Variants in PALD1 observed in about 807,000 individuals in gnomAD.
The protein encoded by PALD1 is phosphatase domain containing paladin 1.
In PALD1, 57 loss-of-function variants were observed where a neutral mutation model predicts 96.0. The ratio of observed to expected loss-of-function variants is 0.59; its 90% CI spans 0.48 to 0.74. The LOEUF is 0.74. Ranked by LOEUF, PALD1 falls within the 30% of genes least tolerant of loss-of-function variation. The pLI is 0.00. For missense variants in PALD1, 1,063 were observed against 1,143.7 expected (o/e 0.93, Z 1.02); for synonymous variants, 464 against 473.6 (o/e 0.98, Z 0.26).
At chr10:70,552,204 G>T (rs749731851) in intron 18 of PALD1, among the ~76,000 whole-genome samples, 1 of 152,220 alleles carries the variant, frequency 6.6e-6, no homozygotes, top group Non-Finnish European at 1.5e-5. Flanking sequence ...CGGCTTCTGG[G>T]CATTTTGTCG....
At chr10:70,465,297 T>C in the PALD1 span, among the ~76,000 whole-genome samples, 1 of 152,170 alleles carries the variant, frequency 6.6e-6, no homozygotes, top group Admixed American at 6.5e-5. Flanking sequence ...TTAAGTAGCT[T>C]ATATATGCTG....
At chr10:70,507,055 T>A (rs1846404364) in intron 1 of PALD1, among the ~76,000 whole-genome samples, 2 of 152,320 alleles carry the variant, frequency 1.3e-5, no homozygotes, top group Middle Eastern at 3.4e-3. Context: ...CCTGCAAAGT[T>A]GATCCTTTAA....
chr10:70,538,472 T>C, intron 12 of PALD1, 64 bp downstream of exon 12: 1 of 1,525,966 alleles, frequency 6.6e-7, no homozygotes, highest in South Asian at 1.2e-5. Context: ...CCCTAAACAC[T>C]GGATTCCTGT....
At chr10:70,530,147 G>A in intron 4 of PALD1, 79 bp downstream of exon 4, 1 of 1,215,684 alleles carries the variant, frequency 8.2e-7, no homozygotes, top group Non-Finnish European at 1.1e-6. Flanking sequence ...AGCTTTAGAG[G>A]CGCTGGAGGG....
At chr10:70,501,278 G>T (rs1458355833) in intron 1 of PALD1, among the ~76,000 whole-genome samples, 1 of 152,162 alleles carries the variant, frequency 6.6e-6, no homozygotes, top group Admixed American at 6.5e-5. Context: ...GGCCTCACAG[G>T]CCTGCTGCAT....
chr10:70,506,918 G>A (rs1047257940), intron 1 of PALD1, among the ~76,000 whole-genome samples: 6 of 152,044 alleles, frequency 3.9e-5, no homozygotes, highest in Non-Finnish European at 5.9e-5. Context: ...AAAGGTCAGC[G>A]CCTTCCACCC....
At chr10:70,496,934 C>T (rs1846204545) in intron 1 of PALD1, among the ~76,000 whole-genome samples, 1 of 152,198 alleles carries the variant, frequency 6.6e-6, no homozygotes, top group Non-Finnish European at 1.5e-5. Flanking sequence ...TCTTAACAAC[C>T]TCCCACTCCC....
the PALD1 span, among the ~76,000 whole-genome samples, chr10:70,469,461 C>T: frequency 4.6e-5 from 7 of 152,256 alleles, no homozygotes; most frequent in East Asian, 9.7e-4. Context: ...TCCAAGCCAG[C>T]GGAGCTCCGG....
At chr10:70,517,872 A>G (rs559773194) in intron 1 of PALD1, among the ~76,000 whole-genome samples, 24 of 151,836 alleles carry the variant, frequency 1.6e-4, no homozygotes, top group Non-Finnish European at 2.9e-4. Context: ...TGTTGTGTCT[A>G]TCTGTAGTCT....
intron 18 of PALD1, among the ~76,000 whole-genome samples, chr10:70,551,351 G>A (rs1847473905): frequency 6.6e-6 from 1 of 152,190 alleles, no homozygotes; most frequent in Admixed American, 6.5e-5. Context: ...TTTGCTCAGA[G>A]CCGGGTGCTG....
intron 1 of PALD1, among the ~76,000 whole-genome samples, chr10:70,503,914 C>T (rs904498120): frequency 2.0e-5 from 3 of 152,142 alleles, no homozygotes; most frequent in East Asian, 1.9e-4. Flanking sequence ...TTTATCCTTC[C>T]GCACTTCCTT....
At chr10:70,558,782 T>G (rs1847670663) in intron 18 of PALD1, among the ~76,000 whole-genome samples, 1 of 151,932 alleles carries the variant, frequency 6.6e-6, no homozygotes, top group Non-Finnish European at 1.5e-5. Context: ...AGGCAGATTT[T>G]TAGAGAAAGT....
Position 70,502,096 on chromosome 10 carries a change from C to CGAGACCAACCTGGGCAACATAGT in PALD1, c.-30+23044_-30+23066dup, listed in dbSNP as rs538516248. Among the ~76,000 whole-genome samples the CGAGACCAACCTGGGCAACATAGT allele has an allele frequency of 8.6e-3, 1,315 of 152,142 alleles. 19 individuals are homozygous for CGAGACCAACCTGGGCAACATAGT. The highest frequency in any genetic ancestry group is 0.031 in the African/African-American group (1,274 of 41,480). On this transcript the variant is annotated intron_variant, in intron 1 of 19. Transcript: ENST00000263563. Reference sequence around the variant, plus strand: ...GGAGCATTAGTTGAGGCCAGGAGTTCGAGACCAACCTGGGCAACATAGTGA... The same window carrying CGAGACCAACCTGGGCAACATAGT: ...GGAGCATTAGTTGAGGCCAGGAGTTCGAGACCAACCTGGGCAACATAGTGAGACCAACCTGGGCAACATAGTGA...
chr10:70,500,622 C>T (rs7075043), intron 1 of PALD1, among the ~76,000 whole-genome samples: 22,194 of 152,152 alleles, frequency 0.15, 1,851 homozygotes, highest in Admixed American at 0.22. Flanking sequence ...CCAGAGTTCC[C>T]GACCATTAGT....
In PALD1 at chr10:70,540,163, G is replaced by GGT. The variant is rs1362006725; in HGVS notation, c.1908+412_1908+413dup. The stretch of plus-strand genomic sequence containing the variant: ...CGGGGTGTGTGTGTATTCTGTTACA[G>GGT]GTGTGTGTGTGTATTTGTTATAAGG... On this transcript the variant is annotated intron_variant, in intron 15 of 19. Coordinates refer to ENST00000263563, the MANE Select transcript of PALD1 (RefSeq NM_014431.3). This position sits in a 1 kb window ranked among gnomAD's most constrained non-coding sequence, Gnocchi z 4.2. Among the ~76,000 whole-genome samples the GGT allele has an allele frequency of 1.3e-5, 2 of 151,494 alleles. No individual in the cohort carries two copies. The highest frequency in any genetic ancestry group is 2.9e-5 in the Non-Finnish European group (2 of 67,834).
chr10:70,462,565 A>G, the PALD1 span, among the ~76,000 whole-genome samples: 2 of 152,244 alleles, frequency 1.3e-5, no homozygotes, highest in Non-Finnish European at 2.9e-5. Context: ...ACTGGGCACA[A>G]TTGTGCATGC....
At chr10:70,522,932 A>C (rs1846768443) in intron 1 of PALD1, among the ~76,000 whole-genome samples, 1 of 152,226 alleles carries the variant, frequency 6.6e-6, no homozygotes, top group South Asian at 2.1e-4. Context: ...AAGGCCCTTC[A>C]GTGTGTGGCC....
intron 18 of PALD1, among the ~76,000 whole-genome samples, chr10:70,556,644 C>G (rs1257666391): frequency 2.0e-5 from 3 of 152,146 alleles, no homozygotes; most frequent in African/African-American, 7.2e-5. Flanking sequence ...TCTCTTCCTT[C>G]CCATTGTAGG....
intron 12 of PALD1, among the ~76,000 whole-genome samples, chr10:70,538,613 T>C (rs1271530566): frequency 6.7e-6 from 1 of 149,006 alleles, no homozygotes; most frequent in Non-Finnish European, 1.5e-5. Flanking sequence ...GCTGTTCTGG[T>C]ACCTTCTCCT....
Sources: gnomAD v4.1 joint callset for allele counts (sites outside exome capture counted in the v4.1 genomes callset) on GRCh38, gnomAD v4.1.1 for gene constraint, Gnocchi (gnomAD v3.1) non-coding constraint, MANE v1.5 for transcripts, NCBI Gene and HGNC (gene_info 2026-07-23, HGNC 2026-07-21) for gene names.